Variants in NDUFS7 observed in about 807,000 individuals in gnomAD.
NDUFS7 encodes the protein NADH dehydrogenase [ubiquinone] iron-sulfur protein 7, mitochondrial.
Under a neutral mutation model 31.1 loss-of-function variants are expected in NDUFS7, and 11 were observed. The ratio of observed to expected loss-of-function variants is 0.35; its 90% CI spans 0.22 to 0.59. The LOEUF (loss-of-function observed/expected upper bound fraction) is 0.59. NDUFS7 is among the 20% of genes least tolerant of loss of function. The probability of loss-of-function intolerance (pLI) is 0.79; values close to 1 mark genes in which losing one functional copy is unlikely to be tolerated. For missense variants in NDUFS7, 263 were observed against 324.2 expected, an observed-to-expected ratio of 0.81 and a Z score of 1.45; for synonymous variants, 136 against 127.9, an observed-to-expected ratio of 1.06 and a Z score of -0.43.
At chr19:1,384,285 G>A in intron 1 of NDUFS7, 3 of 373,164 alleles carry the variant, frequency 8.0e-6, no homozygotes, top group South Asian at 4.6e-5. Context: ...GAGAGAGCGG[G>A]GCCTGCCTGA....
chr19:1,391,072 C>T, intron 5 of NDUFS7, 22 bp downstream of exon 5: 1 of 1,612,526 alleles, frequency 6.2e-7, no homozygotes, highest in South Asian at 1.1e-5. Context: ...CCCAGCCGCC[C>T]AGCCGCCCCC....
At position 1,390,337 on chromosome 19, in the gene NDUFS7, C is replaced by T. The variant is rs80271536; in HGVS notation, c.229-534C>T. The T allele has an allele frequency of 6.1e-3, 1,202 of 195,884 alleles. 14 individuals are homozygous for T. Among genetic ancestry groups the T allele is most frequent in the African/African-American group, 0.027 (1,143 of 42,386 alleles). The allele number at this position is 195,884 out of a possible 1,614,324, so 12.1% of individuals were successfully genotyped here. A position where few individuals can be genotyped will look rare whatever the true frequency, so the allele number is the denominator to read the frequency against. ...CACTCTGTAGCCTGACCCTGTCACC[C>T]GCCAACACATGCAGCAGGGCCCCTG... is the stretch of plus-strand genomic sequence containing the variant. On this transcript the variant is annotated intron_variant, in intron 4 of 7. Transcript: ENST00000233627.
intron 6 of NDUFS7, 34 bp downstream of exon 6, chr19:1,391,199 C>G (rs753700593): frequency 1.2e-6 from 2 of 1,606,360 alleles, no homozygotes; most frequent in East Asian, 2.2e-5. Flanking sequence ...CAGGGACAGA[C>G]GTAGCGTGAG....
At chr19:1,387,578 G>A (rs2082515762) in intron 1 of NDUFS7, among the ~76,000 whole-genome samples, 1 of 152,190 alleles carries the variant, frequency 6.6e-6, no homozygotes, top group Non-Finnish European at 1.5e-5. Context: ...GATCGCCAGG[G>A]CGGGGAGACG....
rs3065757 is a variant in NDUFS7 at position 1,395,488 on chromosome 19, GCGCCGCCGC to G, written c.*12_*20del. Reference sequence around the variant, plus strand: ...GGCTGCAGATCTGGTACCGCAGGTAGCGCCGCCGCCGCCGCCGCCGGAGCCTGTCGCCGT... The same window carrying G: ...GGCTGCAGATCTGGTACCGCAGGTAGCGCCGCCGCCGGAGCCTGTCGCCGT... On this transcript the variant is annotated 3_prime_UTR_variant, in exon 8 of 8. Transcript: ENST00000233627. 157 of 1,575,420 alleles carry G rather than the reference GCGCCGCCGC, an allele frequency of 1.0e-4. No individual in the cohort carries two copies. The highest frequency in any genetic ancestry group is 5.5e-4 in the South Asian group (47 of 85,998).
chr19:1,394,803 C>CCTGAAG, intron 7 of NDUFS7: 3 of 1,174,244 alleles, frequency 2.6e-6, no homozygotes, highest in Non-Finnish European at 3.2e-6. Context: ...TCCTTTCTCA[C>CCTGAAG]CTGTTTCCAC....
chr19:1,394,531 C>G lies in NDUFS7; in HGVS notation c.545-860C>G, dbSNP rs113987381. 0.012 allele frequency: 14,942 copies of G among 1,247,964 alleles called. 1,344 individuals carry two copies. In the African/African-American group the frequency reaches 0.21, roughly 18 times the overall value. 77.3% of individuals were successfully genotyped at this position (1,247,964 alleles called of 1,614,324 possible). ...GACCGTGCTCCTCCCTCCCTCCCTG[C>G]GGACCGCGCTCCTCCCTCCCTGGGG... On this transcript the variant is annotated intron_variant, in intron 7 of 7. Coordinates refer to ENST00000233627, the MANE Select transcript of NDUFS7 (RefSeq NM_024407.5).
chr19:1,384,318 T>C (rs1209651916), intron 1 of NDUFS7, among the ~76,000 whole-genome samples: 1 of 152,056 alleles, frequency 6.6e-6, no homozygotes, highest in Non-Finnish European at 1.5e-5. Context: ...CTGAGGCCCA[T>C]TGAGGGTCTT....
At chr19:1,394,321 G>C in intron 7 of NDUFS7, 1 of 1,271,920 alleles carries the variant, frequency 7.9e-7, no homozygotes, top group Non-Finnish European at 1.0e-6. Context: ...GTCCATCCTG[G>C]GGTCAGGAGC....
intron 4 of NDUFS7, chr19:1,389,703 G>A (rs772606878): frequency 2.0e-5 from 7 of 356,872 alleles, no homozygotes; most frequent in Non-Finnish European, 3.9e-5. Context: ...CCCCTGCAGC[G>A]TGAGCACGTG....
In NDUFS7 at chr19:1,389,159, ATGCACACT is replaced by A. The variant is rs765383618; in HGVS notation, c.228+229_228+236del. The A allele has an allele frequency of 5.9e-5, 41 of 699,288 alleles. 1 individual carries two copies. The highest frequency in any genetic ancestry group is 5.8e-4 in the African/African-American group (33 of 57,140). 43.3% of individuals were successfully genotyped at this position (699,288 alleles called of 1,614,324 possible). ...AATGCACATATGCACACTCGCACACATGCACACTTGCACACACATGCACACACAAGCAC... is the reference window on the plus strand; with the variant it reads ...AATGCACATATGCACACTCGCACACATGCACACACATGCACACACAAGCAC... On this transcript the variant is annotated intron_variant, in intron 4 of 7. Coordinates refer to ENST00000233627, the MANE Select transcript of NDUFS7 (RefSeq NM_024407.5).
At chr19:1,395,327 C>A in intron 7 of NDUFS7, 64 bp from the exon 8 acceptor site, 1 of 1,551,630 alleles carries the variant, frequency 6.4e-7, no homozygotes. Flanking sequence ...GAGCCGGCTG[C>A]GCTGTGCACG....
chr19:1,388,886 G>A lies in NDUFS7; in HGVS notation c.176G>A (p.Arg59Gln), dbSNP rs1350044404. Residue 59 changes from arginine (R) to glutamine (Q), a missense_variant, in exon 4 of 8, where the codon CGG becomes CAG. Arg to Gln is a conservative substitution (Grantham distance 43, BLOSUM62 1). Transcript: ENST00000233627. ...GCCGTGGCTCCCAAACCCAGCAGCC[G>A]GGGCGAGTATGTGGTGGCCAAGCTG... ...ARAVAPKPSS[R>Q]GEYVVAKLDD... 8 of 1,609,276 alleles carry A rather than the reference G, an allele frequency of 5.0e-6. No individual in the cohort carries two copies. The highest frequency in any genetic ancestry group is 1.7e-5 in the Admixed American group (1 of 59,340).
intron 4 of NDUFS7, 98 bp from the exon 5 acceptor site, chr19:1,390,773 G>A: frequency 3.5e-6 from 5 of 1,414,494 alleles, no homozygotes; most frequent in Non-Finnish European, 3.9e-6. Flanking sequence ...TGCCGCCCCG[G>A]GACATGAGTC....
At chr19:1,387,048 T>G (rs2082511691) in intron 1 of NDUFS7, 1 of 152,566 alleles carries the variant, frequency 6.6e-6, no homozygotes, top group African/African-American at 2.4e-5. Context: ...CCCAGGAGAC[T>G]TCGTGCAGGC....
rs1465245520 is a variant in NDUFS7, at chr19:1,387,664, C to G, written c.17-147C>G. The G allele has an allele frequency of 4.1e-6, 3 of 725,834 alleles. No individual in the cohort carries two copies. In the East Asian group the frequency reaches 7.9e-5, roughly 19 times the overall value. 45.0% of individuals were successfully genotyped at this position (725,834 alleles called of 1,614,324 possible). Reference sequence around the variant, plus strand: ...AAGACTCTCTCGTGTTCTGAAAACCCCCTCGTTACCTAACGTTTGTTAAGT... The same window carrying G: ...AAGACTCTCTCGTGTTCTGAAAACCGCCTCGTTACCTAACGTTTGTTAAGT... On this transcript the variant is annotated intron_variant, in intron 1 of 7. Transcript: ENST00000233627.
chr19:1,395,182 G>A (rs750213280), intron 7 of NDUFS7: 22 of 1,420,366 alleles, frequency 1.5e-5, no homozygotes, highest in Non-Finnish European at 1.9e-5. Flanking sequence ...AGGGCAGTGG[G>A]GCCTTGCCCA....
intron 6 of NDUFS7, chr19:1,392,801 C>G (rs544512007): frequency 2.8e-5 from 7 of 251,364 alleles, no homozygotes; most frequent in African/African-American, 1.3e-4. Flanking sequence ...GGAGTGGAGT[C>G]TGTGTGGTCT....
chr19:1,393,204 G>A lies in NDUFS7; in HGVS notation c.456-38G>A, dbSNP rs1344291431. The A allele has an allele frequency of 5.3e-6, 8 of 1,521,870 alleles. No individual in the cohort carries two copies. The highest frequency in any genetic ancestry group is 7.1e-6 in the Non-Finnish European group (8 of 1,125,566). The allele number at this position is 1,521,870 out of a possible 1,614,324, so 94.3% of individuals were successfully genotyped here. On this transcript the variant is annotated intron_variant, in intron 6 of 7. Transcript: ENST00000233627. The surrounding 1 kb of genome is among the most constrained non-coding windows in gnomAD (Gnocchi z 7.3). The stretch of plus-strand genomic sequence containing the variant: ...TCGTGGAGGGAGGGTGGGCAGGCGG[G>A]TCTTCGGCACACTCCCCTCACGGTG...
Sources: gnomAD v4.1 joint callset for allele counts (sites outside exome capture counted in the v4.1 genomes callset) on GRCh38, gnomAD v4.1.1 for gene constraint, Gnocchi (gnomAD v3.1) non-coding constraint, MANE v1.5 for transcripts, NCBI Gene and HGNC (gene_info 2026-07-23, HGNC 2026-07-21) for gene names.